NTNG1: variants seen among roughly 807,000 people sequenced by gnomAD.
NTNG1 encodes the protein netrin-G1.
NTNG1 carries 16 observed loss-of-function variants against 54.0 expected under a neutral mutation model. That is an observed-to-expected ratio of 0.30 (90% confidence interval 0.20 to 0.45). The LOEUF (loss-of-function observed/expected upper bound fraction) is 0.45, where lower values mean the gene tolerates loss of function less well. NTNG1 is among the 20% of genes least tolerant of loss of function. The pLI is 1.00. For missense variants in NTNG1, 530 were observed against 678.7 expected, an observed-to-expected ratio of 0.78 and a Z score of 2.43; for synonymous variants, 255 against 263.1, an observed-to-expected ratio of 0.97 and a Z score of 0.30.
At chr1:107,179,418 C>G (rs1373064677) in intron 2 of NTNG1, among the ~76,000 whole-genome samples, 1 of 151,998 alleles carries the variant, frequency 6.6e-6, no homozygotes, top group African/African-American at 2.4e-5. Context: ...TTTTAAAACA[C>G]CTGTGTCATT....
At chr1:107,473,160 T>C (rs1420764306) in intron 7 of NTNG1, among the ~76,000 whole-genome samples, 1 of 152,166 alleles carries the variant, frequency 6.6e-6, no homozygotes, top group African/African-American at 2.4e-5. Context: ...AGAAAAGCTG[T>C]CATGGTAACG....
At chr1:107,210,881 T>C (rs929768782) in intron 2 of NTNG1, among the ~76,000 whole-genome samples, 1 of 152,092 alleles carries the variant, frequency 6.6e-6, no homozygotes, top group Non-Finnish European at 1.5e-5. Context: ...AGATGCCGAG[T>C]TTATAAGACG....
chr1:107,460,279 G>C (rs927585220), intron 7 of NTNG1: 1 of 453,408 alleles, frequency 2.2e-6, no homozygotes, highest in African/African-American at 2.0e-5. Flanking sequence ...CATCATGAGC[G>C]CACTCCCAGG....
At chr1:107,436,928 A>G in intron 7 of NTNG1, 129 bp downstream of exon 7, 2 of 805,396 alleles carry the variant, frequency 2.5e-6, no homozygotes, top group Non-Finnish European at 3.8e-6. Context: ...AAGCTACTTA[A>G]TGCTGCGGCC....
chr1:107,389,771 C>T (rs1002292975), intron 3 of NTNG1, among the ~76,000 whole-genome samples: 1 of 152,168 alleles, frequency 6.6e-6, no homozygotes, highest in South Asian at 2.1e-4. Context: ...TAAACAGAAT[C>T]GGTGAATAGA....
At chr1:107,257,849 C>G (rs1663028421) in intron 2 of NTNG1, among the ~76,000 whole-genome samples, 1 of 152,182 alleles carries the variant, frequency 6.6e-6, no homozygotes, top group Admixed American at 6.5e-5. Context: ...TTCCAATGAC[C>G]TCAGCAATGA....
intron 3 of NTNG1, among the ~76,000 whole-genome samples, chr1:107,357,853 A>G (rs1366588498): frequency 6.6e-6 from 1 of 152,178 alleles, no homozygotes; most frequent in Non-Finnish European, 1.5e-5. Flanking sequence ...GATTAGAAAC[A>G]TTTGAAATAT....
intron 2 of NTNG1, chr1:107,260,863 A>C (rs928188198): frequency 2.6e-5 from 4 of 152,406 alleles, no homozygotes; most frequent in African/African-American, 9.7e-5. Flanking sequence ...TTGCCTGACA[A>C]ACCTGATAAA....
intron 2 of NTNG1, among the ~76,000 whole-genome samples, chr1:107,187,665 C>T (rs545082489): frequency 2.6e-5 from 4 of 152,222 alleles, no homozygotes; most frequent in East Asian, 3.9e-4. Flanking sequence ...AAAAGGACAA[C>T]GAAGAGTTAA....
chr1:107,219,905 A>G (rs1389694468), intron 2 of NTNG1, among the ~76,000 whole-genome samples: 1 of 152,152 alleles, frequency 6.6e-6, no homozygotes, highest in African/African-American at 2.4e-5. Context: ...TTAAGAGCAC[A>G]TTAGTTGCAG....
intron 5 of NTNG1, among the ~76,000 whole-genome samples, chr1:107,423,311 G>A (rs1674688579): frequency 6.6e-6 from 1 of 152,074 alleles, no homozygotes; most frequent in Admixed American, 6.6e-5. Context: ...AATGTCTGGA[G>A]AAATTTTTGT....
chr1:107,426,183 CATTTT>C (rs2101285941), intron 5 of NTNG1, among the ~76,000 whole-genome samples: 1 of 151,966 alleles, frequency 6.6e-6, no homozygotes, highest in South Asian at 2.1e-4. Context: ...GTTTAAGTCC[CATTTT>C]ATTATTTTTG....
chr1:107,309,073 C>T (rs1666855718), intron 2 of NTNG1, among the ~76,000 whole-genome samples: 1 of 152,142 alleles, frequency 6.6e-6, no homozygotes, highest in Non-Finnish European at 1.5e-5. Flanking sequence ...TGCTCTTCAT[C>T]AGTCCCTTGT....
At chr1:107,384,306 C>G (rs1671827020) in intron 3 of NTNG1, among the ~76,000 whole-genome samples, 1 of 152,126 alleles carries the variant, frequency 6.6e-6, no homozygotes, top group Non-Finnish European at 1.5e-5. Flanking sequence ...AGTTTAGAGG[C>G]TCAAGTAAGG....
intron 7 of NTNG1, among the ~76,000 whole-genome samples, chr1:107,456,284 CA>C (rs1375171639): frequency 6.6e-6 from 1 of 152,152 alleles, no homozygotes; most frequent in East Asian, 1.9e-4. Context: ...TCTGATAAGC[CA>C]AAGGCTCACT....
intron 2 of NTNG1, among the ~76,000 whole-genome samples, chr1:107,259,390 C>A (rs1663147029): frequency 6.6e-6 from 1 of 152,026 alleles, no homozygotes; most frequent in South Asian, 2.1e-4. Context: ...CTGAAAGGAT[C>A]ACCAGTGTTA....
intron 3 of NTNG1, among the ~76,000 whole-genome samples, chr1:107,383,160 C>CT (rs1557952027): frequency 3.3e-5 from 5 of 152,120 alleles, no homozygotes; most frequent in African/African-American, 1.2e-4. Context: ...ATGAAATAAT[C>CT]TTTTTTTAAG....
rs554253183 is a variant in NTNG1 at position 107,311,588 on chromosome 1, G to T, written c.247-12694G>T. On this transcript the variant is annotated intron_variant, in intron 2 of 7. Transcript: ENST00000370068. ...CATATACAACTCATTGAAATGGTTA[G>T]TTCTTTAAGCTTGATTATGTCAATT... Among the ~76,000 whole-genome samples, 13 of 152,120 alleles carry T rather than the reference G, an allele frequency of 8.5e-5. No homozygotes were observed. In the South Asian group the frequency reaches 2.7e-3, roughly 32 times the overall value.
chr1:107,214,884 G>A (rs544254809), intron 2 of NTNG1, among the ~76,000 whole-genome samples: 2 of 151,612 alleles, frequency 1.3e-5, no homozygotes, highest in African/African-American at 4.8e-5. Flanking sequence ...CATCATTAGT[G>A]ATGTTGAGCA....
Sources: gnomAD v4.1 joint callset for allele counts (sites outside exome capture counted in the v4.1 genomes callset) on GRCh38, gnomAD v4.1.1 for gene constraint, MANE v1.5 for transcripts, NCBI Gene and HGNC (gene_info 2026-07-23, HGNC 2026-07-21) for gene names.